Variants in ASTN2 observed in about 807,000 individuals in gnomAD.
The protein encoded by ASTN2 is astrotactin-2.
A neutral mutation model predicts 139.8 loss-of-function variants in ASTN2; 54 were observed. The ratio of observed to expected loss-of-function variants is 0.39; its 90% CI spans 0.31 to 0.48. The LOEUF (loss-of-function observed/expected upper bound fraction) is 0.48. Ranked by LOEUF, ASTN2 falls within the 20% of genes least tolerant of loss-of-function variation. ASTN2 has a pLI of 0.95. For synonymous variants in ASTN2, 756 were observed against 719.5 expected (o/e 1.05, Z -0.81); for missense variants, 1,565 against 1,725.1 (o/e 0.91, Z 1.64).
chr9:116,606,687 A>AT (rs571288228), intron 19 of ASTN2, among the ~76,000 whole-genome samples: 67 of 147,650 alleles, frequency 4.5e-4, no homozygotes, highest in East Asian at 7.9e-4. Flanking sequence ...CCTCCCTTTA[A>AT]TTTTTTTTTT....
chr9:116,874,171 G>T (rs1216288329), intron 10 of ASTN2, among the ~76,000 whole-genome samples: 2 of 152,164 alleles, frequency 1.3e-5, no homozygotes, highest in Non-Finnish European at 2.9e-5. Flanking sequence ...TTAGTGTCCT[G>T]CCTTTCTCTT....
At chr9:117,087,032 C>A (rs1564419544) in intron 5 of ASTN2, among the ~76,000 whole-genome samples, 1 of 152,178 alleles carries the variant, frequency 6.6e-6, no homozygotes, top group Non-Finnish European at 1.5e-5. Flanking sequence ...GGGGCGTTCT[C>A]TGCAGGTTGG....
intron 1 of ASTN2, among the ~76,000 whole-genome samples, chr9:117,388,738 C>G (rs1276653413): frequency 6.6e-6 from 1 of 152,134 alleles, no homozygotes; most frequent in Admixed American, 6.5e-5. Context: ...CTATTTGCAA[C>G]CTCATGTTAG....
intron 13 of ASTN2, among the ~76,000 whole-genome samples, chr9:116,795,374 A>G (rs1215966522): frequency 1.3e-5 from 2 of 152,262 alleles, no homozygotes; most frequent in African/African-American, 4.8e-5. Flanking sequence ...CAAATTCCAC[A>G]TAGTAAATAT....
At chr9:116,999,372 C>T (rs116536833) in intron 7 of ASTN2, among the ~76,000 whole-genome samples, 2,561 of 152,130 alleles carry the variant, frequency 0.017, 66 homozygotes, top group African/African-American at 0.05. Flanking sequence ...AGGAACTCTT[C>T]TTGCACTAAA....
At chr9:117,276,870 A>G (rs1247755598) in intron 2 of ASTN2, 2 of 152,218 alleles carry the variant, frequency 1.3e-5, no homozygotes, top group Non-Finnish European at 2.9e-5. Flanking sequence ...CCAATCCATA[A>G]GATGGAGATA....
chr9:117,073,038 G>C, intron 5 of ASTN2, among the ~76,000 whole-genome samples: 1 of 151,996 alleles, frequency 6.6e-6, no homozygotes, highest in African/African-American at 2.4e-5. Flanking sequence ...AAAAGACAGG[G>C]GCAGAGAATC....
At chr9:117,072,703 T>G (rs114774733) in intron 5 of ASTN2, among the ~76,000 whole-genome samples, 121 of 152,318 alleles carry the variant, frequency 7.9e-4, no homozygotes, top group African/African-American at 2.6e-3. Flanking sequence ...TGAAATATCA[T>G]GACACAAAGT....
chr9:117,284,992 G>A (rs766718604), intron 2 of ASTN2, among the ~76,000 whole-genome samples: 7 of 152,202 alleles, frequency 4.6e-5, no homozygotes, highest in Non-Finnish European at 7.3e-5. Flanking sequence ...AATTTAATGA[G>A]TTAAATACAT....
intron 1 of ASTN2, among the ~76,000 whole-genome samples, chr9:117,320,609 C>A (rs192847178): frequency 2.2e-4 from 34 of 152,256 alleles, no homozygotes; most frequent in African/African-American, 7.7e-4. Context: ...TGTATTGACT[C>A]CATAACATGA....
chr9:117,321,628 C>T (rs531336263), intron 1 of ASTN2, among the ~76,000 whole-genome samples: 9 of 152,252 alleles, frequency 5.9e-5, no homozygotes, highest in South Asian at 4.2e-4. Context: ...ACAAAACTAG[C>T]GGATATTTGG....
At chr9:117,100,491 A>C (rs1828950482) in intron 4 of ASTN2, among the ~76,000 whole-genome samples, 1 of 152,262 alleles carries the variant, frequency 6.6e-6, no homozygotes, top group Non-Finnish European at 1.5e-5. Context: ...GTTAACATGA[A>C]ATTAACATAA....
At chr9:117,121,827 A>G (rs1247580553) in intron 4 of ASTN2, among the ~76,000 whole-genome samples, 1 of 152,200 alleles carries the variant, frequency 6.6e-6, no homozygotes, top group Admixed American at 6.5e-5. Flanking sequence ...TCATCTTCAC[A>G]TGGCCAGCAG....
chr9:117,414,432 C>T lies in ASTN2; in HGVS notation c.442+65G>A. 3 of 1,585,606 alleles carry T rather than the reference C, an allele frequency of 1.9e-6. No homozygotes were observed. Among genetic ancestry groups the T allele is most frequent in the South Asian group, 2.2e-5 (2 of 89,368 alleles). On this transcript the variant is annotated intron_variant, in intron 1 of 22. Coordinates refer to ENST00000313400, the MANE Select transcript of ASTN2 (RefSeq NM_001365068.1). The surrounding 1 kb of genome is among the most constrained non-coding windows in gnomAD (Gnocchi z 4.2). ...CAGGGATCCCCAGGGCGCCCCCACC[C>T]GTCCGGCATGACGCAGGGGCTCGGG...
intron 17 of ASTN2, among the ~76,000 whole-genome samples, chr9:116,621,788 G>C (rs956546081): frequency 6.6e-6 from 1 of 152,226 alleles, no homozygotes; most frequent in African/African-American, 2.4e-5. Context: ...ATAGTTGGCA[G>C]TAAAGAGAAC....
At position 116,982,748 on chromosome 9, in the gene ASTN2, G is replaced by T. The variant is rs865962151; in HGVS notation, c.1592-5963C>A. Among the ~76,000 whole-genome samples the T allele has an allele frequency of 2.0e-4, 31 of 151,866 alleles. 1 individual carries two copies. Among genetic ancestry groups the T allele is most frequent in the Middle Eastern group, 6.8e-3 (2 of 292 alleles). On this transcript the variant is annotated intron_variant, in intron 7 of 22. Coordinates refer to ENST00000313400, the MANE Select transcript of ASTN2 (RefSeq NM_001365068.1). ...TCCCAGCTAATTTTTAATTTTTTTT[G>T]GTGAAATGAGACCTAACTATGTTGC... is the stretch of plus-strand genomic sequence containing the variant.
chr9:116,975,931 T>C (rs1356007406), intron 9 of ASTN2, among the ~76,000 whole-genome samples, 183 bp downstream of exon 9: 2 of 152,174 alleles, frequency 1.3e-5, no homozygotes, highest in Non-Finnish European at 2.9e-5. Flanking sequence ...GCCAGACAAA[T>C]GGGAATTAGA....
At chr9:116,774,264 G>A (rs1166881032) in intron 13 of ASTN2, among the ~76,000 whole-genome samples, 2 of 152,158 alleles carry the variant, frequency 1.3e-5, no homozygotes, top group African/African-American at 4.8e-5. Flanking sequence ...TCAGGGTCAA[G>A]AAGGGCTTGC....
chr9:116,683,919 CA>C, intron 16 of ASTN2, among the ~76,000 whole-genome samples: 1 of 152,276 alleles, frequency 6.6e-6, no homozygotes. Flanking sequence ...TTCAAAGAAT[CA>C]AAATTAATGT....
Sources: gnomAD v4.1 joint callset for allele counts (sites outside exome capture counted in the v4.1 genomes callset) on GRCh38, gnomAD v4.1.1 for gene constraint, Gnocchi (gnomAD v3.1) non-coding constraint, MANE v1.5 for transcripts, NCBI Gene and HGNC (gene_info 2026-07-23, HGNC 2026-07-21) for gene names.